MET: variants seen among roughly 807,000 people sequenced by gnomAD.
MET encodes the protein MET proto-oncogene, receptor tyrosine kinase.
Under a neutral mutation model 133.1 loss-of-function variants are expected in MET, and 48 were observed. The ratio of observed to expected loss-of-function variants is 0.36; its 90% CI spans 0.29 to 0.46. The LOEUF is 0.46. Among genes scored for constraint, MET ranks in the 20% least tolerant of loss-of-function variants. The probability of loss-of-function intolerance (pLI) is 1.00; values close to 1 mark genes in which losing one functional copy is unlikely to be tolerated. For missense variants in MET, 1,442 were observed against 1,695.9 expected, an observed-to-expected ratio of 0.85 and a Z score of 2.63; for synonymous variants, 628 against 616.5, an observed-to-expected ratio of 1.02 and a Z score of -0.28.
At chr7:116,687,930 G>T (rs1048885544) in intron 1 of MET, among the ~76,000 whole-genome samples, 3 of 152,196 alleles carry the variant, frequency 2.0e-5, no homozygotes, top group African/African-American at 7.2e-5. Context: ...AAAAGAATGG[G>T]GTTCACTCAC....
intron 14 of MET, 66 bp from the exon 15 acceptor site, chr7:116,774,811 TCTTC>T (rs1794941919): frequency 8.6e-7 from 1 of 1,165,082 alleles, no homozygotes; most frequent in Non-Finnish European, 1.3e-6. Context: ...TTATAAAAGC[TCTTC>T]CTGTTTCAGT....
chr7:116,733,331 TTTTATC>T lies in MET; in HGVS notation c.1392+1478_1392+1483del, dbSNP rs1253229197. Among the ~76,000 whole-genome samples the T allele has an allele frequency of 5.9e-5, 9 of 152,072 alleles. 1 individual carries two copies. In the South Asian group the frequency reaches 1.9e-3, roughly 32 times the overall value. On this transcript the variant is annotated intron_variant, in intron 3 of 20. Coordinates refer to ENST00000397752, the MANE Select transcript of MET (RefSeq NM_000245.4). Reference sequence around the variant, plus strand: ...GTGTTCATTATGTTGATTTGCCCCCTTTTATCTTTATTTCTGCTTTTTTTTTTTTCA... The same window carrying T: ...GTGTTCATTATGTTGATTTGCCCCCTTTTATTTCTGCTTTTTTTTTTTTCA...
At chr7:116,724,759 T>G (rs1049403365) in intron 2 of MET, 1 of 1,172,770 alleles carries the variant, frequency 8.5e-7, no homozygotes, top group Non-Finnish European at 1.1e-6. Context: ...TCGCTCAACC[T>G]CTCCCTTTAC....
chr7:116,730,863 T>G (rs998666387), intron 2 of MET, among the ~76,000 whole-genome samples: 5 of 152,176 alleles, frequency 3.3e-5, no homozygotes, highest in Admixed American at 1.3e-4. Context: ...TTGAGTGATG[T>G]TATCTACAAG....
chr7:116,712,231 C>T (rs758477366), intron 2 of MET, among the ~76,000 whole-genome samples: 3 of 152,170 alleles, frequency 2.0e-5, no homozygotes, highest in African/African-American at 4.8e-5. Context: ...AACTTCCATG[C>T]TGGCATTTTC....
intron 3 of MET, among the ~76,000 whole-genome samples, chr7:116,734,953 C>T (rs1793155817): frequency 1.3e-5 from 2 of 152,120 alleles, no homozygotes; most frequent in Non-Finnish European, 2.9e-5. Context: ...TTTAACAGCA[C>T]TTGTATAAGG....
rs1208554913 is a variant in MET at position 116,771,509 on chromosome 7, A to G, written c.2742A>G (p.Ala914=). 3 of 1,613,760 alleles carry G rather than the reference A, an allele frequency of 1.9e-6. No individual in the cohort carries two copies. The highest frequency in any genetic ancestry group is 1.7e-6 in the Non-Finnish European group (2 of 1,179,686). ...TTTGTCATTTTTAGTGGAAGCAAGC[A>G]ATTTCTTCAACCGTCCTTGGAAAAG... The part of the protein sequence containing the change: ...NSELNIEWKQ[A]ISSTVLGKVI... Residue 914 remains alanine, a synonymous_variant, in exon 13 of 21, where the codon GCA becomes GCG. Transcript: ENST00000397752.
chr7:116,789,303 A>G (rs1300264803), intron 19 of MET, among the ~76,000 whole-genome samples: 1 of 152,116 alleles, frequency 6.6e-6, no homozygotes, highest in Non-Finnish European at 1.5e-5. Flanking sequence ...GATTCTCTCT[A>G]CCTGGATGTC....
At chr7:116,788,001 A>G (rs909148540) in intron 19 of MET, among the ~76,000 whole-genome samples, 2 of 152,232 alleles carry the variant, frequency 1.3e-5, no homozygotes, top group African/African-American at 2.4e-5. Flanking sequence ...TCATCAACAT[A>G]AAGGAATTAC....
intron 5 of MET, among the ~76,000 whole-genome samples, chr7:116,749,986 T>G (rs1457577974): frequency 6.6e-6 from 1 of 152,164 alleles, no homozygotes; most frequent in East Asian, 1.9e-4. Flanking sequence ...GACTCAATAT[T>G]GTGAAAATGG....
In MET at chr7:116,757,556, C is replaced by A. The variant is rs2116921698; in HGVS notation, c.1965+17C>A. On this transcript the variant is annotated intron_variant, in intron 7 of 20. Coordinates refer to ENST00000397752, the MANE Select transcript of MET (RefSeq NM_000245.4). ...TCCTATGTGGTAAGGAAGATTCTAT[C>A]CTATCATGTTTGATTTTTACTTAAT... 6.2e-7 allele frequency: 1 copy of A among 1,612,630 alleles called. No individual in the cohort carries two copies. The highest frequency in any genetic ancestry group is 8.5e-7 in the Non-Finnish European group (1 of 1,178,758).
intron 1 of MET, among the ~76,000 whole-genome samples, chr7:116,677,083 CCATT>C (rs200911694): frequency 1.3e-5 from 2 of 151,650 alleles, no homozygotes; most frequent in East Asian, 3.9e-4. Context: ...AGATATTGCT[CCATT>C]CAGACAATTT....
At chr7:116,793,301 A>T (rs1795570805) in intron 19 of MET, among the ~76,000 whole-genome samples, 2 of 152,018 alleles carry the variant, frequency 1.3e-5, no homozygotes, top group South Asian at 4.2e-4. Context: ...CAGCCTCCCA[A>T]GTAGCTGGGA....
chr7:116,776,795 G>T (rs1795005642), intron 15 of MET, among the ~76,000 whole-genome samples: 1 of 152,182 alleles, frequency 6.6e-6, no homozygotes, highest in Admixed American at 6.5e-5. Context: ...AAGCCAGAGA[G>T]AACTGGATGA....
chr7:116,687,723 A>G (rs1184861283), intron 1 of MET, among the ~76,000 whole-genome samples: 1 of 152,234 alleles, frequency 6.6e-6, no homozygotes, highest in African/African-American at 2.4e-5. Flanking sequence ...TTCCAAGAAA[A>G]TTTCTCAGGT....
chr7:116,741,067 G>GTTTTTTTTTTTTTTTTTTGTTTTTT, intron 5 of MET, 42 bp downstream of exon 5: 1 of 1,348,788 alleles, frequency 7.4e-7, no homozygotes, highest in African/African-American at 1.8e-5. Context: ...TTTGTTTGGT[G>GTTTTTTTTTTTTTTTTTTGTTTTTT]TTTTTTTTTT....
intron 19 of MET, among the ~76,000 whole-genome samples, chr7:116,790,653 G>GT (rs1386101687): frequency 6.6e-6 from 1 of 152,050 alleles, no homozygotes; most frequent in East Asian, 1.9e-4. Flanking sequence ...GGATCATATG[G>GT]TAATTTTATT....
chr7:116,725,937 T>C (rs957112748), intron 2 of MET, among the ~76,000 whole-genome samples: 3 of 149,148 alleles, frequency 2.0e-5, no homozygotes, highest in African/African-American at 7.4e-5. Context: ...TTTGGGAGGC[T>C]AAGGTGGGAG....
Position 116,798,051 on chromosome 7 carries a change from C to A in MET, c.*1927C>A, listed in dbSNP as rs1795731143. 1 of 221,326 alleles carries A rather than the reference C, an allele frequency of 4.5e-6. No individual in the cohort carries two copies. Among genetic ancestry groups the A allele is most frequent in the Non-Finnish European group, 9.1e-6 (1 of 110,358 alleles). The allele number at this position is 221,326 out of a possible 1,614,324, so 13.7% of individuals were successfully genotyped here. ...ACAGAGTATTGTAAATGGTGGATGA[C>A]AAAAGAAAATCTGCTCTGTGGAAAG... On this transcript the variant is annotated 3_prime_UTR_variant, in exon 21 of 21. Coordinates refer to ENST00000397752, the MANE Select transcript of MET (RefSeq NM_000245.4).
Sources: gnomAD v4.1 joint callset for allele counts (sites outside exome capture counted in the v4.1 genomes callset) on GRCh38, gnomAD v4.1.1 for gene constraint, MANE v1.5 for transcripts, NCBI Gene and HGNC (gene_info 2026-07-23, HGNC 2026-07-21) for gene names.